The following USP28 variants were observed in gnomAD, a reference collection of about 807,000 sequenced individuals.
USP28 encodes ubiquitin specific peptidase 28, also known as ubiquitin carboxyl-terminal hydrolase 28.
USP28 carries 113 observed loss-of-function variants against 145.0 expected under a neutral mutation model. The observed-to-expected ratio is 0.78, with a 90% CI of 0.67 to 0.91. USP28 has a LOEUF of 0.91. USP28 is among the 40% of genes least tolerant of loss of function. The pLI is 0.00. For synonymous variants in USP28, 447 were observed against 450.9 expected (o/e 0.99, Z 0.11); for missense variants, 1,201 against 1,289.6 (o/e 0.93, Z 1.05).
chr11:113,807,149 T>C (rs578112042), intron 18 of USP28, among the ~76,000 whole-genome samples: 63 of 152,014 alleles, frequency 4.1e-4, no homozygotes, highest in Non-Finnish European at 1.0e-4. Flanking sequence ...CTCAGCTCAC[T>C]GCAACCTCCG....
intron 5 of USP28, 71 bp from the exon 6 acceptor site, chr11:113,834,406 T>C: frequency 9.7e-7 from 1 of 1,026,976 alleles, no homozygotes; most frequent in Non-Finnish European, 1.4e-6. Context: ...TATTTTTCAC[T>C]TCAAATATTT....
intron 9 of USP28, 192 bp from the exon 10 acceptor site, chr11:113,829,537 G>A: frequency 1.6e-6 from 1 of 643,442 alleles, no homozygotes; most frequent in Non-Finnish European, 2.5e-6. Flanking sequence ...CAGTAACACT[G>A]GAAAAAGACC....
At chr11:113,803,986 G>C (rs1939505329) in intron 21 of USP28, 109 bp from the exon 23 acceptor site, 1 of 902,186 alleles carries the variant, frequency 1.1e-6, no homozygotes, top group African/African-American at 1.7e-5. Flanking sequence ...CATCTGGCTA[G>C]CCACAAAAAT....
At chr11:113,842,594 AAAAAAG>A (rs956364576) in intron 3 of USP28, among the ~76,000 whole-genome samples, 11 of 152,048 alleles carry the variant, frequency 7.2e-5, no homozygotes, top group Non-Finnish European at 1.0e-4. Flanking sequence ...CAGAAAAAAA[AAAAAAG>A]ACCAAGTTGA....
At chr11:113,812,656 C>A in intron 15 of USP28, 152 bp from the exon 16 acceptor site, 3 of 720,090 alleles carry the variant, frequency 4.2e-6, no homozygotes, top group Non-Finnish European at 6.8e-6. Context: ...AAAAACACAG[C>A]CTTGGAATTG....
chr11:113,813,190 A>G (rs2135437430), intron 15 of USP28, among the ~76,000 whole-genome samples: 1 of 152,342 alleles, frequency 6.6e-6, no homozygotes, highest in Admixed American at 6.5e-5. Context: ...TTGAATTAAC[A>G]CAAAAGAAAA....
chr11:113,799,501 A>G lies in USP28; in HGVS notation c.3059-86T>C. ...CAAGCCTTCTATTAGCCCCTTACCT[A>G]ACCTCAAAGGTCAAAGCATTATGCT... On this transcript the variant is annotated intron_variant, in intron 24 of 24. Transcript: ENST00000003302. 2.8e-6 allele frequency: 4 copies of G among 1,428,772 alleles called. No individual in the cohort carries two copies. The South Asian group carries it at 5.6e-5, about 20-fold the overall frequency. 88.5% of individuals were successfully genotyped at this position (1,428,772 alleles called of 1,614,324 possible).
At chr11:113,809,074 G>C (rs1940529539) in exon 17 of USP28, 6 of 1,614,050 alleles carry the variant, frequency 3.7e-6, no homozygotes, top group South Asian at 3.3e-5. Flanking sequence ...TTGTGATGTA[G>C]AGTAGTCCTG....
At chr11:113,864,022 T>C (rs1948010912) in intron 1 of USP28, among the ~76,000 whole-genome samples, 1 of 149,722 alleles carries the variant, frequency 6.7e-6, no homozygotes. Flanking sequence ...ATGGATCACC[T>C]GAGGTCAGGA....
Position 113,850,588 on chromosome 11 carries a change from C to T in USP28, c.268+1913G>A, listed in dbSNP as rs1158873397. Among the ~76,000 whole-genome samples, 4 of 152,202 alleles carry T rather than the reference C, an allele frequency of 2.6e-5. No individual in the cohort carries two copies. In the South Asian group the frequency reaches 6.2e-4, roughly 24 times the overall value. The stretch of plus-strand genomic sequence containing the variant: ...GCCCAAATGTCCATTAACACCACCT[C>T]GCCTTCCTCCCAGAAGGTTCCAGAA... On this transcript the variant is annotated intron_variant, in intron 3 of 24. Transcript: ENST00000003302.
chr11:113,847,252 A>G (rs1358418434), intron 3 of USP28, among the ~76,000 whole-genome samples: 1 of 152,166 alleles, frequency 6.6e-6, no homozygotes, highest in Non-Finnish European at 1.5e-5. Context: ...TCAATGTAAC[A>G]AAATAGAAGA....
chr11:113,817,222 C>A (rs532776506), intron 13 of USP28, among the ~76,000 whole-genome samples: 1 of 152,158 alleles, frequency 6.6e-6, no homozygotes, highest in Non-Finnish European at 1.5e-5. Flanking sequence ...TTATTTCTAG[C>A]CAGTTCTTTT....
At chr11:113,860,796 A>T (rs1410819880) in intron 1 of USP28, among the ~76,000 whole-genome samples, 1 of 149,768 alleles carries the variant, frequency 6.7e-6, no homozygotes, top group Non-Finnish European at 1.5e-5. Context: ...TCCAGCCTGC[A>T]CAACAGAGCA....
intron 21 of USP28, 36 bp from the exon 23 acceptor site, chr11:113,803,913 A>G (rs1369563282): frequency 1.3e-6 from 2 of 1,568,682 alleles, no homozygotes; most frequent in South Asian, 1.1e-5. Flanking sequence ...AATCATGATC[A>G]TAATAGATTG....
intron 3 of USP28, among the ~76,000 whole-genome samples, chr11:113,844,036 A>G (rs1303206493): frequency 6.6e-6 from 1 of 152,192 alleles, no homozygotes; most frequent in African/African-American, 2.4e-5. Context: ...ACAGGTGTAA[A>G]TCTTCATGAC....
At chr11:113,856,370 GA>G (rs1393955231) in intron 1 of USP28, among the ~76,000 whole-genome samples, 1 of 152,104 alleles carries the variant, frequency 6.6e-6, no homozygotes, top group Non-Finnish European at 1.5e-5. Context: ...TCTTCATTGG[GA>G]ATTATTCTGT....
intron 24 of USP28, among the ~76,000 whole-genome samples, 179 bp from the exon 26 acceptor site, chr11:113,799,594 T>C (rs1189113346): frequency 6.6e-6 from 1 of 152,216 alleles, no homozygotes; most frequent in Non-Finnish European, 1.5e-5. Flanking sequence ...AACCAAACTT[T>C]AGCTCACTGC....
At chr11:113,821,275 T>C in intron 12 of USP28, 3 of 222,994 alleles carry the variant, frequency 1.3e-5, no homozygotes, top group Non-Finnish European at 3.0e-5. Context: ...ATGTACTCGT[T>C]ATGAAGCACA....
chr11:113,875,536 C>A (rs1316857289), exon 1 of USP28: 3 of 1,137,352 alleles, frequency 2.6e-6, no homozygotes, highest in Admixed American at 9.8e-5. Flanking sequence ...ACCGGTCTCC[C>A]GCCGCAGCCG....
Sources: gnomAD v4.1 joint callset for allele counts (sites outside exome capture counted in the v4.1 genomes callset) on GRCh38, gnomAD v4.1.1 for gene constraint, MANE v1.5 for transcripts, NCBI Gene and HGNC (gene_info 2026-07-23, HGNC 2026-07-21) for gene names.